NEGR1: variants seen among roughly 807,000 people sequenced by gnomAD.
NEGR1 encodes IgLON family member 4.
A neutral mutation model predicts 40.9 loss-of-function variants in NEGR1; 10 were observed. The ratio of observed to expected loss-of-function variants is 0.24; its 90% CI spans 0.15 to 0.42. The LOEUF (loss-of-function observed/expected upper bound fraction) is 0.42. Ranked by LOEUF, NEGR1 falls within the 10% of genes least tolerant of loss-of-function variation. NEGR1 has a pLI of 1.00. For missense variants in NEGR1, 352 were observed against 438.9 expected, an observed-to-expected ratio of 0.80 and a Z score of 1.77; for synonymous variants, 185 against 166.8, an observed-to-expected ratio of 1.11 and a Z score of -0.84.
chr1:72,113,771 G>A (rs1649476317), intron 1 of NEGR1, among the ~76,000 whole-genome samples: 1 of 151,718 alleles, frequency 6.6e-6, no homozygotes, highest in South Asian at 2.1e-4. Flanking sequence ...ACAGTTAGGT[G>A]ACTTCATTTT....
intron 1 of NEGR1, among the ~76,000 whole-genome samples, chr1:72,024,917 T>C (rs1319142090): frequency 6.6e-6 from 1 of 152,176 alleles, no homozygotes; most frequent in East Asian, 1.9e-4. Flanking sequence ...AATTCAGATT[T>C]CTGAGCATAA....
At chr1:72,186,228 A>C (rs1197076495) in intron 1 of NEGR1, among the ~76,000 whole-genome samples, 1 of 151,720 alleles carries the variant, frequency 6.6e-6, no homozygotes, top group African/African-American at 2.4e-5. Context: ...GCTGAAATTT[A>C]ACATGCCATT....
chr1:71,692,014 G>T (rs916924121), intron 4 of NEGR1, among the ~76,000 whole-genome samples: 1 of 151,536 alleles, frequency 6.6e-6, no homozygotes, highest in Non-Finnish European at 1.5e-5. Context: ...AGCACCTTAC[G>T]ATTGGTTTAT....
intron 3 of NEGR1, among the ~76,000 whole-genome samples, chr1:71,720,626 C>T (rs1177408365): frequency 1.3e-5 from 2 of 152,112 alleles, no homozygotes; most frequent in African/African-American, 4.8e-5. Context: ...TTCTGTGAGC[C>T]TAAGCAAATT....
chr1:71,900,115 TTA>T (rs1243087309), intron 2 of NEGR1, among the ~76,000 whole-genome samples: 17 of 152,200 alleles, frequency 1.1e-4, no homozygotes, highest in Non-Finnish European at 2.5e-4. Context: ...GAAACCTTGC[TTA>T]AGGAAGGTCC....
intron 1 of NEGR1, among the ~76,000 whole-genome samples, chr1:72,088,057 ATCT>A (rs1338983546): frequency 1.3e-5 from 2 of 152,176 alleles, no homozygotes; most frequent in Non-Finnish European, 2.9e-5. Flanking sequence ...GTTTTGGACA[ATCT>A]TTTCACTAAC....
At chr1:72,189,303 C>T (rs948010182) in intron 1 of NEGR1, among the ~76,000 whole-genome samples, 3 of 151,526 alleles carry the variant, frequency 2.0e-5, no homozygotes, top group African/African-American at 7.3e-5. Flanking sequence ...TGAAGTACAA[C>T]TGATGTACTT....
chr1:71,785,537 A>G (rs747500775), intron 2 of NEGR1, among the ~76,000 whole-genome samples: 5 of 152,094 alleles, frequency 3.3e-5, no homozygotes, highest in Non-Finnish European at 7.4e-5. Context: ...CCAGGAATTT[A>G]TATTAAGGAA....
intron 1 of NEGR1, among the ~76,000 whole-genome samples, chr1:72,196,571 A>C (rs1429963708): frequency 6.6e-6 from 1 of 152,040 alleles, no homozygotes; most frequent in Non-Finnish European, 1.5e-5. Context: ...GGAGTTCAAG[A>C]CCAGCCTAGT....
chr1:71,469,083 T>C (rs1234699270), intron 6 of NEGR1, among the ~76,000 whole-genome samples: 1 of 152,058 alleles, frequency 6.6e-6, no homozygotes, highest in Non-Finnish European at 1.5e-5. Context: ...GGATTGATTT[T>C]TCTGAAAAGC....
At chr1:72,161,681 T>C (rs1235898420) in intron 1 of NEGR1, among the ~76,000 whole-genome samples, 8 of 134,384 alleles carry the variant, frequency 6.0e-5, no homozygotes, top group South Asian at 2.5e-4. Context: ...TCTTTCTTTT[T>C]TTTTTTTTTT....
chr1:72,216,048 G>A (rs1675354), intron 1 of NEGR1, among the ~76,000 whole-genome samples: 14,992 of 151,812 alleles, frequency 0.099, 1,905 homozygotes, highest in African/African-American at 0.3. Context: ...ATGAGTTCAT[G>A]TCGTTTGCAG....
At chr1:72,036,803 A>G (rs556850337) in intron 1 of NEGR1, among the ~76,000 whole-genome samples, 2 of 152,156 alleles carry the variant, frequency 1.3e-5, no homozygotes, top group East Asian at 3.9e-4. Context: ...AAAAAAGGAC[A>G]CTGTAAATAG....
At chr1:72,150,162 A>G (rs993446056) in intron 1 of NEGR1, among the ~76,000 whole-genome samples, 2 of 152,106 alleles carry the variant, frequency 1.3e-5, no homozygotes, top group Non-Finnish European at 2.9e-5. Context: ...TTTCTCTGCC[A>G]TTCATTTATT....
intron 1 of NEGR1, among the ~76,000 whole-genome samples, chr1:72,059,991 A>T (rs1198287198): frequency 6.6e-6 from 1 of 151,696 alleles, no homozygotes; most frequent in Non-Finnish European, 1.5e-5. Flanking sequence ...TCAGTTTAAC[A>T]TGATTTAGAT....
At chr1:71,825,463 G>T (rs941090852) in intron 2 of NEGR1, among the ~76,000 whole-genome samples, 4 of 151,810 alleles carry the variant, frequency 2.6e-5, no homozygotes, top group Non-Finnish European at 2.9e-5. Flanking sequence ...GATTCACAAA[G>T]GAACCACTGG....
chr1:71,780,774 T>C (rs1329553011), intron 2 of NEGR1, among the ~76,000 whole-genome samples: 2 of 152,242 alleles, frequency 1.3e-5, no homozygotes, highest in African/African-American at 4.8e-5. Flanking sequence ...TAGATGTATC[T>C]ACATATTTAG....
chr1:72,130,624 C>T (rs973748223), intron 1 of NEGR1, among the ~76,000 whole-genome samples: 9 of 152,124 alleles, frequency 5.9e-5, no homozygotes, highest in Non-Finnish European at 1.3e-4. Flanking sequence ...AGGGTGACTC[C>T]AGTCACGTGC....
intron 1 of NEGR1, among the ~76,000 whole-genome samples, chr1:72,070,238 A>G (rs900298923): frequency 6.6e-6 from 1 of 152,044 alleles, no homozygotes; most frequent in African/African-American, 2.4e-5. Context: ...CATTAATTAA[A>G]TTTGCTTCAA....
Sources: gnomAD v4.1 joint callset for allele counts (sites outside exome capture counted in the v4.1 genomes callset) on GRCh38, gnomAD v4.1.1 for gene constraint, MANE v1.5 for transcripts, NCBI Gene and HGNC (gene_info 2026-07-23, HGNC 2026-07-21) for gene names.